The following KRT83 variants were observed in gnomAD, a reference collection of about 807,000 sequenced individuals.
KRT83 encodes the protein keratin 83.
A neutral mutation model predicts 52.9 loss-of-function variants in KRT83; 51 were observed. That is an observed-to-expected ratio of 0.96 (90% confidence interval 0.77 to 1.22). The LOEUF (loss-of-function observed/expected upper bound fraction) is 1.22, where lower values mean the gene tolerates loss of function less well. Ranked by LOEUF, KRT83 falls within the 50% of genes most tolerant of loss-of-function variation. The pLI, the probability that KRT83 is intolerant of heterozygous loss-of-function variation, is 0.00. For synonymous variants in KRT83, 278 were observed against 274.1 expected (o/e 1.01, Z -0.14); for missense variants, 654 against 666.5 (o/e 0.98, Z 0.21).
intron 8 of KRT83, 50 bp from the exon 9 acceptor site, chr12:52,314,868 T>G: frequency 1.3e-6 from 2 of 1,510,102 alleles, no homozygotes; most frequent in Non-Finnish European, 1.8e-6. Flanking sequence ...GGCCATCCCA[T>G]CCAGCCACCT....
chr12:52,319,153 C>A lies in KRT83; in HGVS notation c.593+3G>T. Reference sequence around the variant, plus strand: ...GCCCAGAACCCCTCCTGCCCACACTCACTTCTTCTTGTAGCCCTCCAGCAC... The same window carrying A: ...GCCCAGAACCCCTCCTGCCCACACTAACTTCTTCTTGTAGCCCTCCAGCAC... On this transcript the variant is annotated splice_donor_region_variant and intron_variant, in intron 2 of 8. Coordinates refer to ENST00000293670, the MANE Select transcript of KRT83 (RefSeq NM_002282.3). 1 of 1,613,170 alleles carries A rather than the reference C, an allele frequency of 6.2e-7. No homozygotes were observed. Among genetic ancestry groups the A allele is most frequent in the East Asian group, 2.2e-5 (1 of 44,890 alleles).
Position 52,320,867 on chromosome 12 carries a change from G to C in KRT83, c.384+85C>G. The stretch of plus-strand genomic sequence containing the variant: ...TGGGAACTTCTGTGGGCAAGTTCTT[G>C]CCTTTGACTTCCCTGTCAGTGCCCA... On this transcript the variant is annotated intron_variant, in intron 1 of 8. Coordinates refer to ENST00000293670, the MANE Select transcript of KRT83 (RefSeq NM_002282.3). 1.9e-6 allele frequency: 3 copies of C among 1,612,058 alleles called. No individual in the cohort carries two copies. The East Asian group carries it at 6.7e-5, about 36-fold the overall frequency.
In KRT83 at chr12:52,314,734, G is replaced by A. The variant is rs938303467; in HGVS notation, c.1379C>T (p.Ala460Val). The change falls in exon 9 of 9, where the codon GCC becomes GTC. Residue 460 changes from alanine to valine, a missense_variant. By Grantham distance (64) the Ala-to-Val change is moderately conservative. Transcript: ENST00000293670. ...CACCACCAGGTTCCCGTTGCAGGGG[G>A]CACTGCAGACGCTGCCCGTCACCGG... Reference protein sequence around the residue: ...SRPVTGSVCSAPCNGNLVVST... With the variant: ...SRPVTGSVCSVPCNGNLVVST... 2.5e-6 allele frequency: 4 copies of A among 1,594,074 alleles called. No individual in the cohort carries two copies. The highest frequency in any genetic ancestry group is 1.9e-4 in the Middle Eastern group (1 of 5,214).
chr12:52,318,526 C>G (rs769846474), intron 2 of KRT83, among the ~76,000 whole-genome samples: 4 of 152,164 alleles, frequency 2.6e-5, no homozygotes, highest in Non-Finnish European at 5.9e-5. Context: ...TCTCTCCCCT[C>G]CTGGCCTGAG....
chr12:52,317,678 C>A lies in KRT83; in HGVS notation c.750+3G>T, dbSNP rs1330522568. On this transcript the variant is annotated splice_donor_region_variant and intron_variant, in intron 4 of 8. Transcript: ENST00000293670. ...GTGCCCACCATGGTTGAGAGCCCCT[C>A]ACCTCCTCGTACAGCCGCCTCAGGA... 1 of 1,612,016 alleles carries A rather than the reference C, an allele frequency of 6.2e-7. No individual in the cohort carries two copies. The highest frequency in any genetic ancestry group is 1.3e-5 in the African/African-American group (1 of 74,856).
At position 52,316,261 on chromosome 12, in the gene KRT83, T is replaced by TACACTACACACACACACAC; in HGVS notation, c.1042-149_1042-148insGTGTGTGTGTGTGTAGTGT. 4.9e-6 allele frequency: 4 copies of TACACTACACACACACACAC among 810,432 alleles called. No individual in the cohort carries two copies. The South Asian group carries it at 6.7e-5, about 14-fold the overall frequency. The allele number at this position is 810,432 out of a possible 1,614,324, so 50.2% of individuals were successfully genotyped here. Reference sequence around the variant, plus strand: ...ACCTTCCTTCCCTCCTCACTTACACTACACACACACACACACACACACACC... The same window carrying TACACTACACACACACACAC: ...ACCTTCCTTCCCTCCTCACTTACACTACACTACACACACACACACACACACACACACACACACACACACC... On this transcript the variant is annotated intron_variant, in intron 6 of 8. Transcript: ENST00000293670.
intron 2 of KRT83, among the ~76,000 whole-genome samples, chr12:52,318,455 T>C (rs1938721898): frequency 6.6e-6 from 1 of 151,882 alleles, no homozygotes; most frequent in Non-Finnish European, 1.5e-5. Context: ...GTCTCCATCT[T>C]TTCTTCCTTC....
In KRT83 at chr12:52,319,277, G is replaced by T; in HGVS notation, c.472C>A (p.Pro158Thr). The T allele has an allele frequency of 6.2e-7, 1 of 1,614,032 alleles. No homozygotes were observed. The highest frequency in any genetic ancestry group is 8.5e-7 in the Non-Finnish European group (1 of 1,179,948). Residue 158 changes from proline to threonine, a missense_variant, in exon 2 of 9, where the codon CCC becomes ACC. Coordinates refer to ENST00000293670, the MANE Select transcript of KRT83 (RefSeq NM_002282.3). ...NRECCQSNLE[P>T]LFAGYIETLR... ...GTCTCGATGTAGCCAGCAAACAGGGGCTCCAGGTTACTCTGGCAGCACTCG... is the reference window on the plus strand; with the variant it reads ...GTCTCGATGTAGCCAGCAAACAGGGTCTCCAGGTTACTCTGGCAGCACTCG...
Position 52,316,582 on chromosome 12 carries a change from C to A in KRT83, c.927G>T (p.Met309Ile). 6.2e-7 allele frequency: 1 copy of A among 1,614,180 alleles called. No homozygotes were observed. The highest frequency in any genetic ancestry group is 8.5e-7 in the Non-Finnish European group (1 of 1,180,040). Reference protein sequence around the residue: ...ESWYRSKCEEMKATVIRHGET... With the variant: ...ESWYRSKCEEIKATVIRHGET... The stretch of plus-strand genomic sequence containing the variant: ...CCCCGTGCCTGATCACTGTGGCCTT[C>A]ATCTCCTCACACTGCAGGAAGCAGA... The change falls in exon 6 of 9, where the codon ATG becomes ATT. Residue 309 changes from methionine to isoleucine, a missense_variant. Transcript: ENST00000293670.
chr12:52,319,028 A>G, intron 2 of KRT83, 128 bp downstream of exon 2: 1 of 1,411,742 alleles, frequency 7.1e-7, no homozygotes, highest in Non-Finnish European at 1.0e-6. Context: ...CTGTGTCTCA[A>G]ACAGGGGGTA....
At chr12:52,314,851 T>C in intron 8 of KRT83, 33 bp from the exon 9 acceptor site, 1 of 1,571,282 alleles carries the variant, frequency 6.4e-7, no homozygotes, top group Non-Finnish European at 8.7e-7. Context: ...AAGAGACCCC[T>C]GCTGATGGCC....
rs750665278 is a variant in KRT83, at chr12:52,317,934, C to T, written c.630G>A (p.Glu210=). 1 of 1,614,148 alleles carries T rather than the reference C, an allele frequency of 6.2e-7. No individual in the cohort carries two copies. Among genetic ancestry groups the T allele is most frequent in the Admixed American group, 1.7e-5 (1 of 60,024 alleles). ...CCTTCTTTAGAGCCACAAACTCGTT[C>T]TCTGCTGTGGCTCGAAGTGCTACTT... is the stretch of plus-strand genomic sequence containing the variant. The part of the protein sequence containing the change: ...EEEVALRATA[E]NEFVALKKDV... The change falls in exon 3 of 9, where the codon GAG becomes GAA. Residue 210 remains glutamate, a synonymous_variant. Coordinates refer to ENST00000293670, the MANE Select transcript of KRT83 (RefSeq NM_002282.3).
chr12:52,315,436 G>T, intron 7 of KRT83, 93 bp from the exon 8 acceptor site: 1 of 1,300,678 alleles, frequency 7.7e-7, no homozygotes, highest in Non-Finnish European at 1.1e-6. Context: ...TCATCTCAGG[G>T]CTATTTCTGA....
rs754828366 is a variant in KRT83, at chr12:52,315,939, T to C, written c.1216A>G (p.Ile406Val). Residue 406 changes from isoleucine (I) to valine (V), a missense_variant, in exon 7 of 9, where the codon ATC (isoleucine) becomes GTC (valine). Physicochemically the swap from Ile to Val is conservative, Grantham distance 29. Transcript: ENST00000293670. ...AGGCGCCTGTAGGTGGCGATCTCGA[T>C]ATCCAGGCCTAGCTTGGAGTTCATC... ...EVMNSKLGLD[I>V]EIATYRRLLE... 7 of 1,612,856 alleles carry C rather than the reference T, an allele frequency of 4.3e-6. No individual in the cohort carries two copies. The South Asian group carries it at 7.7e-5, about 18-fold the overall frequency.
chr12:52,316,729 A>G, intron 5 of KRT83, 130 bp downstream of exon 5: 1 of 1,592,378 alleles, frequency 6.3e-7, no homozygotes. Context: ...CCACCCCAAC[A>G]TGAGAGCTAT....
rs1938769521 is a variant in KRT83, at chr12:52,321,355, C to T, written c.-20G>A. On this transcript the variant is annotated 5_prime_UTR_variant, in exon 1 of 9. Coordinates refer to ENST00000293670, the MANE Select transcript of KRT83 (RefSeq NM_002282.3). ...GGTCATGACGGAGGTTAGGAGGTGT[C>T]TGAACAGTGGAGTAGATGGCAGAGG... 6 of 1,613,624 alleles carry T rather than the reference C, an allele frequency of 3.7e-6. No individual in the cohort carries two copies. Among genetic ancestry groups the T allele is most frequent in the Non-Finnish European group, 5.1e-6 (6 of 1,180,000 alleles).
Position 52,320,936 on chromosome 12 carries a change from C to A in KRT83, c.384+16G>T. The A allele has an allele frequency of 1.2e-6, 2 of 1,613,878 alleles. No individual in the cohort carries two copies. Among genetic ancestry groups the A allele is most frequent in the Non-Finnish European group, 1.7e-6 (2 of 1,179,882 alleles). ...AGTAGGGGTTCAGGAAGGGTGTGAT[C>A]CAGGACGACACCCACCTTGTCGATG... On this transcript the variant is annotated intron_variant, in intron 1 of 8. Transcript: ENST00000293670.
At position 52,314,545 on chromosome 12, in the gene KRT83, G is replaced by A. The variant is rs1335450194; in HGVS notation, c.*86C>T. The stretch of plus-strand genomic sequence containing the variant: ...TCTCAGAACACAAGGGGAAAAGCCA[G>A]CGATGTGCTGCTGTTTTCAGCTGGT... On this transcript the variant is annotated 3_prime_UTR_variant, in exon 9 of 9. Coordinates refer to ENST00000293670, the MANE Select transcript of KRT83 (RefSeq NM_002282.3). 2.4e-6 allele frequency: 3 copies of A among 1,256,906 alleles called. No individual in the cohort carries two copies. Among genetic ancestry groups the A allele is most frequent in the Non-Finnish European group, 3.4e-6 (3 of 880,254 alleles). The allele number at this position is 1,256,906 out of a possible 1,614,324, so 77.9% of individuals were successfully genotyped here.
At chr12:52,315,473 A>G (rs1938671835) in intron 7 of KRT83, 130 bp from the exon 8 acceptor site, 1 of 1,031,306 alleles carries the variant, frequency 9.7e-7, no homozygotes, top group East Asian at 2.4e-5. Flanking sequence ...TGTGCAGCTT[A>G]GAAAAAGTTG....
Sources: allele counts gnomAD v4.1 joint callset (sites outside exome capture counted in the v4.1 genomes callset), GRCh38; gene constraint gnomAD v4.1.1; transcripts MANE v1.5; gene names NCBI Gene and HGNC (gene_info 2026-07-23, HGNC 2026-07-21).